Variants in ATAD3B observed in about 807,000 individuals in gnomAD.
ATAD3B encodes ATPase family AAA domain containing 3B.
A neutral mutation model predicts 70.2 loss-of-function variants in ATAD3B; 59 were observed. That is an observed-to-expected ratio of 0.84 (90% CI 0.68 to 1.04). The LOEUF is 1.04. ATAD3B is among the 50% of genes least tolerant of loss of function. The pLI, the probability that ATAD3B is intolerant of heterozygous loss-of-function variation, is 0.00. For missense variants in ATAD3B, 961 were observed against 913.4 expected, an observed-to-expected ratio of 1.05 and a Z score of -0.67; for synonymous variants, 423 against 388.6, an observed-to-expected ratio of 1.09 and a Z score of -1.04.
chr1:1,479,639 G>C (rs562675416), intron 4 of ATAD3B, among the ~76,000 whole-genome samples: 2 of 130,346 alleles, frequency 1.5e-5, no homozygotes, highest in South Asian at 2.6e-4. Context: ...CACACAGCCC[G>C]CACACACACA....
At position 1,490,411 on chromosome 1, in the gene ATAD3B, A is replaced by G. The variant is rs376635807; in HGVS notation, c.1492A>G (p.Thr498Ala). The G allele has an allele frequency of 1.2e-6, 2 of 1,613,370 alleles. No individual in the cohort carries two copies. The highest frequency in any genetic ancestry group is 1.6e-4 in the Middle Eastern group (1 of 6,062). ...HFDNCVLKPATEGKRRLKLAQ... is the reference protein window; with the variant it reads ...HFDNCVLKPAAEGKRRLKLAQ... ...TGACAACTGTGTTCTTAAGCCGGCCACAGAAGGAAAACGGTGAGTGTCCCG... is the reference window on the plus strand; with the variant it reads ...TGACAACTGTGTTCTTAAGCCGGCCGCAGAAGGAAAACGGTGAGTGTCCCG... Residue 498 changes from threonine (T) to alanine (A), a missense_variant, in exon 14 of 16, where the codon ACA becomes GCA. By Grantham distance (58) the Thr-to-Ala change is moderately conservative (BLOSUM62 0). Around this residue, in one of 4 missense-constraint regions of ATAD3B, gnomAD observed 417 missense variants for 335.0 expected, o/e 1.24. Transcript: ENST00000673477.
intron 1 of ATAD3B, among the ~76,000 whole-genome samples, chr1:1,476,064 C>A (rs927703405): frequency 7.1e-6 from 1 of 141,098 alleles, no homozygotes; most frequent in Non-Finnish European, 1.5e-5. Flanking sequence ...TCGCTTCAGC[C>A]CTTGGCTTCC....
At chr1:1,494,435 G>A (rs1029426559) in intron 15 of ATAD3B, among the ~76,000 whole-genome samples, 9 of 151,054 alleles carry the variant, frequency 6.0e-5, no homozygotes, top group African/African-American at 1.9e-4. Flanking sequence ...GTGGCGGTGC[G>A]GCTCCGGTCA....
chr1:1,485,082 C>T lies in ATAD3B; in HGVS notation c.817C>T (p.Arg273Cys), dbSNP rs772056088. 20 of 1,609,896 alleles carry T rather than the reference C, an allele frequency of 1.2e-5. No individual in the cohort carries two copies. Among genetic ancestry groups the T allele is most frequent in the African/African-American group, 5.3e-5 (4 of 74,836 alleles). Residue 273 changes from arginine to cysteine, a missense_variant, in exon 8 of 16, where the codon CGC becomes TGC. This residue lies in a region of ATAD3B where 349 missense variants were observed against 307.5 expected (regional missense o/e 1.14). Transcript: ENST00000673477. ...CAAGAATGCGACAGCCGTCACTGGC[C>T]GCTTCATCGAGGCTCGGCTGGGGAA... ...SAKNATAVTG[R>C]FIEARLGKPS... is the part of the protein sequence containing the mutation.
chr1:1,491,795 CAA>C lies in ATAD3B; in HGVS notation c.1614+1126_1614+1127del, dbSNP rs1340726709. On this transcript the variant is annotated intron_variant, in intron 15 of 15. Transcript: ENST00000673477. ...TACAGGCTGGGTTATGCCGCTGTGA[CAA>C]AGAGTCCCAGATCTCAAACCCCGTC... 3.9e-5 allele frequency among the ~76,000 whole-genome samples: 6 copies of C among 151,978 alleles called. 1 individual carries two copies. The highest frequency in any genetic ancestry group is 8.8e-5 in the Non-Finnish European group (6 of 67,958).
intron 14 of ATAD3B, 31 bp downstream of exon 14, chr1:1,490,455 C>G: frequency 1.2e-6 from 2 of 1,612,582 alleles, no homozygotes; most frequent in Non-Finnish European, 1.7e-6. Flanking sequence ...GGCCCCCAAT[C>G]CAGGCACCAT....
chr1:1,496,109 CAG>C lies in ATAD3B; in HGVS notation c.*293_*294del. The stretch of plus-strand genomic sequence containing the variant: ...CATGGCCAGGGGCCACGGAACCCGG[CAG>C]GGGTGTCTGAGGCCGCCCTGTCAGC... On this transcript the variant is annotated 3_prime_UTR_variant, in exon 16 of 16. Transcript: ENST00000673477. 8.5e-7 allele frequency: 1 copy of C among 1,172,230 alleles called. No individual in the cohort carries two copies. Among genetic ancestry groups the C allele is most frequent in the South Asian group, 3.4e-5 (1 of 29,272 alleles). The allele number at this position is 1,172,230 out of a possible 1,614,324, so 72.6% of individuals were successfully genotyped here.
At chr1:1,485,578 A>G (rs1010300719) in intron 8 of ATAD3B, among the ~76,000 whole-genome samples, 1 of 152,086 alleles carries the variant, frequency 6.6e-6, no homozygotes, top group African/African-American at 2.4e-5. Context: ...AGAAAATAAA[A>G]GCCAATAAGG....
rs1435051112 is a variant in ATAD3B at position 1,479,031 on chromosome 1, C to T, written c.385-18C>T. On this transcript the variant is annotated intron_variant, in intron 3 of 15. Coordinates refer to ENST00000673477, the MANE Select transcript of ATAD3B (RefSeq NM_031921.6). ...GCTCCCGGCTGAGATGTGTCTTTGC[C>T]GCCCTCTTCTCCCCCAGAGGGCCCA... 20 of 1,126,166 alleles carry T rather than the reference C, an allele frequency of 1.8e-5. No individual in the cohort carries two copies. Among genetic ancestry groups the T allele is most frequent in the South Asian group, 5.9e-5 (4 of 67,584 alleles). The allele number at this position is 1,126,166 out of a possible 1,614,324, so 69.8% of individuals were successfully genotyped here. A position where few individuals can be genotyped will look rare whatever the true frequency, so the allele number is the denominator to read the frequency against.
At chr1:1,477,423 TA>T in intron 2 of ATAD3B, 73 bp downstream of exon 2, 1 of 1,603,414 alleles carries the variant, frequency 6.2e-7, no homozygotes, top group Non-Finnish European at 8.5e-7. Flanking sequence ...GTGGGGCTGC[TA>T]CTGGTGGGTA....
chr1:1,482,149 C>G lies in ATAD3B; in HGVS notation c.526C>G (p.Arg176Gly), dbSNP rs759753809. The part of the protein sequence containing the change: ...QEAMRRATVE[R>G]EMELRHKNEM... ...CCTCTCTGGGGCAGCCACCGTGGAG[C>G]GGGAGATGGAGCTGCGGCACAAGAA... The change falls in exon 6 of 16, where the codon CGG becomes GGG. Residue 176 changes from arginine to glycine, a missense_variant. Transcript: ENST00000673477. The G allele has an allele frequency of 8.7e-6, 14 of 1,608,932 alleles. No homozygotes were observed. The highest frequency in any genetic ancestry group is 1.1e-5 in the South Asian group (1 of 90,540).
chr1:1,474,192 TC>T (rs1245514404), intron 1 of ATAD3B, among the ~76,000 whole-genome samples: 3 of 126,868 alleles, frequency 2.4e-5, no homozygotes, highest in Non-Finnish European at 4.5e-5. Context: ...TTTTTTCTTT[TC>T]TTTTTTTCTT....
intron 12 of ATAD3B, among the ~76,000 whole-genome samples, chr1:1,488,659 T>C (rs537603486): frequency 2.0e-5 from 3 of 151,992 alleles, no homozygotes; most frequent in South Asian, 4.2e-4. Context: ...CTCAGGATGC[T>C]GATGCAGGAG....
At position 1,491,623 on chromosome 1, in the gene ATAD3B, C is replaced by T. The variant is rs545694299; in HGVS notation, c.1614+952C>T. Among the ~76,000 whole-genome samples, 61 of 151,968 alleles carry T rather than the reference C, an allele frequency of 4.0e-4. 1 individual carries two copies. Among genetic ancestry groups the T allele is most frequent in the Non-Finnish European group, 6.8e-4 (46 of 67,970 alleles). ...CGCCCTGGCCACACACAGGCATTGC[C>T]GCCTCTGGGGTCCGCAGAGTCTGTG... On this transcript the variant is annotated intron_variant, in intron 15 of 15. Transcript: ENST00000673477.
At chr1:1,474,638 C>G (rs1639502166) in intron 1 of ATAD3B, among the ~76,000 whole-genome samples, 1 of 151,900 alleles carries the variant, frequency 6.6e-6, no homozygotes, top group Non-Finnish European at 1.5e-5. Flanking sequence ...TAGCTGGGAT[C>G]ACAGGCGCCC....
chr1:1,495,502 C>T lies in ATAD3B; in HGVS notation c.1632C>T (p.Ser544=). Residue 544 remains serine (S), a synonymous_variant, in exon 16 of 16, where the codon TCC becomes TCT. Transcript: ENST00000673477. ...TTCACTAGGCCACGGCATATGCCTCCAAGGACGGGGTCCTCACTGAGGCCA... is the reference window on the plus strand; with the variant it reads ...TTCACTAGGCCACGGCATATGCCTCTAAGGACGGGGTCCTCACTGAGGCCA... ...AVSWQATAYA[S]KDGVLTEAMM... 1.2e-6 allele frequency: 2 copies of T among 1,608,184 alleles called. No individual in the cohort carries two copies. The highest frequency in any genetic ancestry group is 1.7e-6 in the Non-Finnish European group (2 of 1,175,908).
chr1:1,507,414 G>A, the ATAD3B span, among the ~76,000 whole-genome samples: 1,096 of 152,254 alleles, frequency 7.2e-3, 7 homozygotes, highest in Non-Finnish European at 0.012. Flanking sequence ...CTTTTCCTGC[G>A]TCAGTTGAGA....
intron 8 of ATAD3B, 139 bp from the exon 9 acceptor site, chr1:1,485,642 AG>A: frequency 7.3e-7 from 1 of 1,362,540 alleles, no homozygotes. Context: ...CCGGCGGGGC[AG>A]GGTTCCAGCT....
intron 4 of ATAD3B, among the ~76,000 whole-genome samples, 163 bp downstream of exon 4, chr1:1,479,271 T>G (rs1391901585): frequency 6.8e-6 from 1 of 147,298 alleles, no homozygotes; most frequent in Admixed American, 6.8e-5. Context: ...CCAGCACACG[T>G]GTACAGGCAC....
Sources: gnomAD v4.1 joint callset for allele counts (sites outside exome capture counted in the v4.1 genomes callset) on GRCh38, gnomAD v4.1.1 for gene constraint, gnomAD v4.1.1 regional missense constraint, MANE v1.5 for transcripts, NCBI Gene and HGNC (gene_info 2026-07-23, HGNC 2026-07-21) for gene names.